CHM: variants seen among roughly 807,000 people sequenced by gnomAD.
The protein encoded by CHM is CHM Rab escort protein, also known as rab proteins geranylgeranyltransferase component A 1.
A neutral mutation model predicts 49.0 loss-of-function variants in CHM; 10 were observed. That is an observed-to-expected ratio of 0.20 (90% CI 0.13 to 0.35). The LOEUF (loss-of-function observed/expected upper bound fraction) is 0.35. CHM is among the 10% of genes least tolerant of loss of function. The probability of loss-of-function intolerance (pLI) is 1.00; values close to 1 mark genes in which losing one functional copy is unlikely to be tolerated. For synonymous variants in CHM, 184 were observed against 167.5 expected (o/e 1.10, Z -0.76); for missense variants, 455 against 478.4 (o/e 0.95, Z 0.46).
At chrX:85,943,342 C>T (rs1929229765) in intron 8 of CHM, among the ~76,000 whole-genome samples, 1 of 111,818 alleles carries the variant, frequency 8.9e-6, no homozygotes, top group Non-Finnish European at 1.9e-5. Flanking sequence ...TGAAAAAATG[C>T]TAACTATTCT....
At chrX:85,929,876 C>T (rs1380045908) in intron 8 of CHM, among the ~76,000 whole-genome samples, 5 of 107,527 alleles carry the variant, frequency 4.6e-5, no homozygotes, top group South Asian at 4.1e-4. Flanking sequence ...GCAAGACAGA[C>T]GGATCACTTG....
In CHM at chrX:85,974,073, C is replaced by T. The variant is rs1422861144; in HGVS notation, c.314+4694G>A. On this transcript the variant is annotated intron_variant, in intron 4 of 14. Transcript: ENST00000357749. ...TTTCAAGAAATATCCAAAATCAAAACATAAAAGGCAAGTGCATTGCTAGAT... is the reference window on the plus strand; with the variant it reads ...TTTCAAGAAATATCCAAAATCAAAATATAAAAGGCAAGTGCATTGCTAGAT... 2.1e-4 allele frequency among the ~76,000 whole-genome samples: 23 copies of T among 111,951 alleles called. No individual in the cohort carries two copies. The Admixed American group carries it at 2.2e-3, about 11-fold the overall frequency.
chrX:85,898,895 A>G (rs755962891), intron 11 of CHM, among the ~76,000 whole-genome samples: 2 of 112,461 alleles, frequency 1.8e-5, no homozygotes, highest in Non-Finnish European at 3.8e-5. Context: ...CTGGAAGGTA[A>G]AAGGCACTCA....
chrX:86,036,817 G>A (rs1468201371), intron 1 of CHM, among the ~76,000 whole-genome samples: 2 of 111,428 alleles, frequency 1.8e-5, no homozygotes, highest in African/African-American at 6.5e-5. Flanking sequence ...AGGAATTTGG[G>A]CAAGATAAAA....
chrX:86,012,460 T>C (rs982904682), intron 2 of CHM, among the ~76,000 whole-genome samples: 1 of 111,538 alleles, frequency 9.0e-6, no homozygotes, highest in Non-Finnish European at 1.9e-5. Flanking sequence ...AGTTGACATC[T>C]GATTCCAGGC....
chrX:86,013,263 C>G (rs1933152100), intron 2 of CHM, among the ~76,000 whole-genome samples: 1 of 111,191 alleles, frequency 9.0e-6, no homozygotes, highest in Admixed American at 9.6e-5. Flanking sequence ...GGGGAACCAC[C>G]AAACTCGAGT....
intron 13 of CHM, among the ~76,000 whole-genome samples, chrX:85,876,826 A>T (rs1924447553): frequency 1.8e-5 from 2 of 111,578 alleles, no homozygotes; most frequent in African/African-American, 6.5e-5. Flanking sequence ...ATGTTTAAAA[A>T]TCTAAAATGG....
intron 4 of CHM, chrX:85,969,102 G>A (rs5967658): frequency 0.23 from 156,630 of 688,704 alleles, 13,940 homozygotes; most frequent in Non-Finnish European, 0.25. Flanking sequence ...GATTCCTATT[G>A]CAAAAAAATC....
intron 2 of CHM, among the ~76,000 whole-genome samples, chrX:86,010,354 T>TAAAAAAAAAAA (rs746894699): frequency 1.1e-5 from 1 of 89,301 alleles, no homozygotes; most frequent in African/African-American, 4.0e-5. Flanking sequence ...AAAGGATAAT[T>TAAAAAAAAAAA]AAAAAAAAAA....
chrX:85,903,718 G>GA (rs778655579), intron 9 of CHM: 46 of 378,201 alleles, frequency 1.2e-4, no homozygotes, highest in Non-Finnish European at 2.4e-4. Flanking sequence ...CAAATCCCAG[G>GA]AAAAAAATCA....
intron 1 of CHM, among the ~76,000 whole-genome samples, chrX:86,042,298 G>A (rs771619999): frequency 5.4e-5 from 6 of 111,614 alleles, no homozygotes; most frequent in African/African-American, 2.0e-4. Flanking sequence ...GTATTAGGCT[G>A]TTCCTGTGTT....
chrX:85,864,855 G>A, intron 14 of CHM, 34 bp from the exon 15 acceptor site: 1 of 1,151,817 alleles, frequency 8.7e-7, no homozygotes. Context: ...ATCGTTTTTG[G>A]AAATCGGTTT....
chrX:85,892,529 C>G (rs762483356), intron 12 of CHM, among the ~76,000 whole-genome samples: 3 of 109,941 alleles, frequency 2.7e-5, no homozygotes, highest in Non-Finnish European at 5.7e-5. Context: ...TTAAGAAGTG[C>G]CTTTTGCCTC....
chrX:85,882,105 T>C (rs1245295452), intron 12 of CHM, among the ~76,000 whole-genome samples: 1 of 111,801 alleles, frequency 8.9e-6, no homozygotes, highest in Non-Finnish European at 1.9e-5. Context: ...TTTGCAATTA[T>C]TTGACTCTTC....
intron 2 of CHM, among the ~76,000 whole-genome samples, chrX:85,983,226 G>A (rs1198506541): frequency 1.8e-5 from 2 of 110,484 alleles, no homozygotes; most frequent in African/African-American, 6.6e-5. Context: ...TGGTCTCTTC[G>A]GAAATAATGT....
At chrX:85,900,590 A>G in intron 11 of CHM, 56 bp downstream of exon 11, 1 of 713,144 alleles carries the variant, frequency 1.4e-6, no homozygotes, top group South Asian at 2.3e-5. Context: ...GTATATATAT[A>G]CCGAAACATC....
chrX:85,944,281 C>T (rs1042900624), intron 8 of CHM, among the ~76,000 whole-genome samples: 3 of 111,903 alleles, frequency 2.7e-5, no homozygotes, highest in Non-Finnish European at 3.8e-5. Context: ...GATGCTTTAT[C>T]TTATGATTTA....
At chrX:85,874,235 C>A (rs768467359) in intron 13 of CHM, among the ~76,000 whole-genome samples, 1 of 111,674 alleles carries the variant, frequency 9.0e-6, no homozygotes, top group African/African-American at 3.2e-5. Flanking sequence ...CATTTATTTG[C>A]CTCTCTTCTT....
chrX:85,978,656 T>C (rs892732557), intron 4 of CHM, 111 bp downstream of exon 4: 1 of 768,433 alleles, frequency 1.3e-6, no homozygotes, highest in Non-Finnish European at 1.9e-6. Flanking sequence ...AACCAGCATA[T>C]TAACGTGACT....
Sources: allele counts gnomAD v4.1 joint callset (sites outside exome capture counted in the v4.1 genomes callset), GRCh38; gene constraint gnomAD v4.1.1; transcripts MANE v1.5; gene names NCBI Gene and HGNC (gene_info 2026-07-23, HGNC 2026-07-21).